The following BANP variants were observed in gnomAD, a reference collection of about 807,000 sequenced individuals.
BANP encodes the protein BTG3 associated nuclear protein.
A neutral mutation model predicts 68.1 loss-of-function variants in BANP; 11 were observed. The ratio of observed to expected loss-of-function variants is 0.16; its 90% CI spans 0.10 to 0.27. BANP has a LOEUF of 0.27. Ranked by LOEUF, BANP falls within the 10% of genes least tolerant of loss-of-function variation. BANP has a pLI of 1.00. For synonymous variants in BANP, 329 were observed against 303.2 expected (o/e 1.09, Z -0.88); for missense variants, 504 against 722.7 (o/e 0.70, Z 3.47).
chr16:88,061,276 G>A (rs561990618), intron 11 of BANP, among the ~76,000 whole-genome samples: 3 of 152,354 alleles, frequency 2.0e-5, no homozygotes, highest in African/African-American at 7.2e-5. Context: ...CTGCCTTATA[G>A]CTCTTAGCCT....
In BANP at chr16:88,033,141, G is replaced by A. The variant is rs1314998383; in HGVS notation, c.1096G>A (p.Glu366Lys). Residue 366 changes from glutamate to lysine, a missense_variant, in exon 9 of 14, where the codon GAG (glutamate) becomes AAG (lysine). By Grantham distance (56) the Glu-to-Lys change is moderately conservative. Coordinates refer to ENST00000682872, the MANE Select transcript of BANP (RefSeq NM_001386991.1). Reference sequence around the variant, plus strand: ...GATGAGCACCCCACCTCCTGCCAGCGAGCTCCCGCAGCCACAGCCGCAGCC... The same window carrying A: ...GATGAGCACCCCACCTCCTGCCAGCAAGCTCCCGCAGCCACAGCCGCAGCC... ...PMMSTPPPASELPQPQPQPQA... is the reference protein window; with the variant it reads ...PMMSTPPPASKLPQPQPQPQA... 5.6e-6 allele frequency: 9 copies of A among 1,608,452 alleles called. No homozygotes were observed. The highest frequency in any genetic ancestry group is 1.3e-5 in the African/African-American group (1 of 74,958).
intron 12 of BANP, among the ~76,000 whole-genome samples, chr16:88,068,761 G>T (rs549931084): frequency 1.3e-5 from 2 of 151,950 alleles, no homozygotes; most frequent in Non-Finnish European, 2.9e-5. Flanking sequence ...GTGCAGCCTT[G>T]CCCGGTCTGT....
rs1362794083 is a variant in BANP, at chr16:88,071,588, C to T, written c.1378-481C>T. 4.4e-6 allele frequency: 2 copies of T among 457,936 alleles called. No homozygotes were observed. The highest frequency in any genetic ancestry group is 8.8e-6 in the Non-Finnish European group (2 of 228,002). 28.4% of individuals were successfully genotyped at this position (457,936 alleles called of 1,614,324 possible). A position where few individuals can be genotyped will look rare whatever the true frequency, so the allele number is the denominator to read the frequency against. On this transcript the variant is annotated intron_variant, in intron 12 of 13. Coordinates refer to ENST00000682872, the MANE Select transcript of BANP (RefSeq NM_001386991.1). This position sits in a 1 kb window ranked among gnomAD's most constrained non-coding sequence, Gnocchi z 6.5. ...AGTGCCCACCAGCAGCTCCTTTGCT[C>T]TCCCTGAGCCCTTGAGGTCACTCTG...
chr16:87,999,394 G>T (rs559020357), intron 4 of BANP, among the ~76,000 whole-genome samples: 1 of 128,298 alleles, frequency 7.8e-6, no homozygotes, highest in Non-Finnish European at 1.7e-5. Flanking sequence ...GCACGTGCGC[G>T]GCTGGACTTA....
At chr16:88,038,816 G>T (rs1777611219) in intron 11 of BANP, among the ~76,000 whole-genome samples, 1 of 152,150 alleles carries the variant, frequency 6.6e-6, no homozygotes. Context: ...GTCACCTCTG[G>T]ATCACTGAAG....
In BANP at chr16:88,003,394, G is replaced by C. The variant is rs916444689; in HGVS notation, c.363-901G>C. 2.0e-5 allele frequency: 9 copies of C among 455,254 alleles called. No individual in the cohort carries two copies. Among genetic ancestry groups the C allele is most frequent in the Non-Finnish European group, 3.5e-5 (8 of 226,442 alleles). 28.2% of individuals were successfully genotyped at this position (455,254 alleles called of 1,614,324 possible). Reference sequence around the variant, plus strand: ...ACAGAAAGGCAGGCTTCCCAGGTTGGTTTTTGGAGAGTGAAATCCAAGAAT... The same window carrying C: ...ACAGAAAGGCAGGCTTCCCAGGTTGCTTTTTGGAGAGTGAAATCCAAGAAT... On this transcript the variant is annotated intron_variant, in intron 4 of 13. Coordinates refer to ENST00000682872, the MANE Select transcript of BANP (RefSeq NM_001386991.1). This position sits in a 1 kb window ranked among gnomAD's most constrained non-coding sequence, Gnocchi z 6.1.
Position 88,018,098 on chromosome 16 carries a change from G to A in BANP, c.656-330G>A, listed in dbSNP as rs1285881078. Among the ~76,000 whole-genome samples the A allele has an allele frequency of 1.3e-5, 2 of 152,124 alleles. No homozygotes were observed. The highest frequency in any genetic ancestry group is 2.9e-5 in the Non-Finnish European group (2 of 68,018). ...GGTGGCTGGGGCAGGTACCAACTGT[G>A]TGCAAGGATATCGGTATTGCTGGGG... On this transcript the variant is annotated intron_variant, in intron 6 of 13. Coordinates refer to ENST00000682872, the MANE Select transcript of BANP (RefSeq NM_001386991.1). This position sits in a 1 kb window ranked among gnomAD's most constrained non-coding sequence, Gnocchi z 7.7.
At chr16:88,001,584 G>A (rs766074024) in intron 4 of BANP, among the ~76,000 whole-genome samples, 9 of 152,198 alleles carry the variant, frequency 5.9e-5, no homozygotes, top group Non-Finnish European at 1.0e-4. Context: ...AGTTGAAAGC[G>A]TGTAGTTTCT....
At chr16:87,988,503 G>T (rs1406467854) in intron 4 of BANP, among the ~76,000 whole-genome samples, 1 of 151,946 alleles carries the variant, frequency 6.6e-6, no homozygotes, top group East Asian at 1.9e-4. Flanking sequence ...CTGACCTCAT[G>T]ATCCACCCGC....
At position 88,018,767 on chromosome 16, in the gene BANP, G is replaced by C; in HGVS notation, c.895+100G>C. On this transcript the variant is annotated intron_variant, in intron 7 of 13. Transcript: ENST00000682872. This position sits in a 1 kb window ranked among gnomAD's most constrained non-coding sequence, Gnocchi z 7.7. Reference sequence around the variant, plus strand: ...CGCTGGCATCAGTAGCACCGGCACGGGGCTGCGTTTCTCCAGGCGGTTTGA... The same window carrying C: ...CGCTGGCATCAGTAGCACCGGCACGCGGCTGCGTTTCTCCAGGCGGTTTGA... 7.1e-7 allele frequency: 1 copy of C among 1,413,440 alleles called. No homozygotes were observed. The highest frequency in any genetic ancestry group is 2.5e-5 in the East Asian group (1 of 39,828). The allele number at this position is 1,413,440 out of a possible 1,614,324, so 87.6% of individuals were successfully genotyped here.
At chr16:88,007,438 C>T (rs1422564489) in intron 6 of BANP, among the ~76,000 whole-genome samples, 2 of 152,208 alleles carry the variant, frequency 1.3e-5, no homozygotes, top group East Asian at 1.9e-4. Context: ...GGTGCCCTCC[C>T]GCCTGGCCCT....
chr16:87,965,953 C>T (rs1315585902), intron 1 of BANP, among the ~76,000 whole-genome samples: 3 of 152,266 alleles, frequency 2.0e-5, no homozygotes, highest in Non-Finnish European at 2.9e-5. Flanking sequence ...TCTGGGTAGC[C>T]TGAGGTTTGC....
chr16:88,060,933 G>C (rs1398266418), intron 11 of BANP, among the ~76,000 whole-genome samples: 1 of 150,770 alleles, frequency 6.6e-6, no homozygotes, highest in African/African-American at 2.4e-5. Context: ...GCCTCGGGGT[G>C]ACTTTGGTTG....
In BANP at chr16:88,036,473, G is replaced by A. The variant is rs1274685172; in HGVS notation, c.1272+1079G>A. The stretch of plus-strand genomic sequence containing the variant: ...CGCAGAGCCTCCTGCCCAAGTGCCC[G>A]TGAGCAAGACTGTGGACACATGCAC... On this transcript the variant is annotated intron_variant, in intron 10 of 13. Transcript: ENST00000682872. The surrounding 1 kb of genome is among the most constrained non-coding windows in gnomAD (Gnocchi z 4.2). Among the ~76,000 whole-genome samples the A allele has an allele frequency of 6.6e-6, 1 of 152,140 alleles. No homozygotes were observed. Among genetic ancestry groups the A allele is most frequent in the Non-Finnish European group, 1.5e-5 (1 of 68,020 alleles).
chr16:87,997,094 C>G (rs921857664), intron 4 of BANP, among the ~76,000 whole-genome samples: 2 of 152,090 alleles, frequency 1.3e-5, no homozygotes, highest in African/African-American at 4.8e-5. Context: ...ATAAGCTCAG[C>G]GTAGAAAATG....
chr16:88,043,550 TATC>T (rs1174041088), intron 11 of BANP, among the ~76,000 whole-genome samples: 1 of 152,356 alleles, frequency 6.6e-6, no homozygotes, highest in East Asian at 1.9e-4. Context: ...GATCAAATGA[TATC>T]ATAGTAGAAA....
chr16:87,971,015 T>C (rs1250968289), intron 1 of BANP, among the ~76,000 whole-genome samples: 1 of 44,714 alleles, frequency 2.2e-5, no homozygotes, highest in Non-Finnish European at 4.5e-5. Flanking sequence ...AGACTGCATC[T>C]CAAAAAAAAA....
In BANP at chr16:88,061,643, C is replaced by A. The variant is rs374758910; in HGVS notation, c.1312-3624C>A. 4.0e-5 allele frequency among the ~76,000 whole-genome samples: 6 copies of A among 151,816 alleles called. No homozygotes were observed. In the South Asian group the frequency reaches 1.0e-3, roughly 26 times the overall value. ...TTGGGGGCATCACTGGGATGAGCCT[C>A]TTTCTCTGAGCACCTCATTTTTCTT... On this transcript the variant is annotated intron_variant, in intron 11 of 13. Coordinates refer to ENST00000682872, the MANE Select transcript of BANP (RefSeq NM_001386991.1).
At position 88,068,477 on chromosome 16, in the gene BANP, C is replaced by T. The variant is rs140308128; in HGVS notation, c.1377+3145C>T. ...TTCAGGCAGCTTGCTTTATTCACAG[C>T]CCTGAGACACCTCTGGGACAGCCCC... On this transcript the variant is annotated intron_variant, in intron 12 of 13. Coordinates refer to ENST00000682872, the MANE Select transcript of BANP (RefSeq NM_001386991.1). Among the ~76,000 whole-genome samples the T allele has an allele frequency of 3.3e-3, 510 of 152,278 alleles. 1 individual carries two copies. The highest frequency in any genetic ancestry group is 0.012 in the African/African-American group (488 of 41,552).
Sources: allele counts gnomAD v4.1 joint callset (sites outside exome capture counted in the v4.1 genomes callset), GRCh38; gene constraint gnomAD v4.1.1; non-coding constraint Gnocchi (gnomAD v3.1); transcripts MANE v1.5; gene names NCBI Gene and HGNC (gene_info 2026-07-23, HGNC 2026-07-21).